HNF4A: variants seen among roughly 807,000 people sequenced by gnomAD.
HNF4A encodes the protein hepatocyte nuclear factor 4-alpha.
In HNF4A, 15 loss-of-function variants were observed where a neutral mutation model predicts 52.4. The observed-to-expected ratio is 0.29, with a 90% CI of 0.19 to 0.44. The LOEUF is 0.44. HNF4A is among the 20% of genes least tolerant of loss of function. The pLI is 1.00. For missense variants in HNF4A, 479 were observed against 647.2 expected (o/e 0.74, Z 2.82); for synonymous variants, 280 against 264.4 (o/e 1.06, Z -0.57).
At chr20:44,399,226 G>A (rs554697748), upstream of HNF4A, among the ~76,000 whole-genome samples, 1 of 152,252 alleles carries the variant, frequency 6.6e-6, no homozygotes, top group Non-Finnish European at 1.5e-5. Flanking sequence ...GTGGGTTGCA[G>A]GGGGCTGCCT....
At chr20:44,401,507 CCCAG>C (rs753184398) in intron 1 of HNF4A, 3 of 1,613,866 alleles carry the variant, frequency 1.9e-6, no homozygotes, top group Admixed American at 1.7e-5. Flanking sequence ...GGCAGATGTG[CCCAG>C]GTGTGCCAGT....
chr20:44,415,218 A>T (rs766971553), intron 5 of HNF4A, among the ~76,000 whole-genome samples: 2 of 152,186 alleles, frequency 1.3e-5, no homozygotes, highest in Non-Finnish European at 2.9e-5. Context: ...GATTGAGGAC[A>T]TTGGTGTCTG....
intron 5 of HNF4A, among the ~76,000 whole-genome samples, chr20:44,416,720 TCCCC>T (rs1484635807): frequency 6.6e-6 from 1 of 152,096 alleles, no homozygotes; most frequent in Non-Finnish European, 1.5e-5. Context: ...TTCATTCATT[TCCCC>T]TTTCCTTCCT....
intron 1 of HNF4A, among the ~76,000 whole-genome samples, chr20:44,359,237 G>C (rs35180342): frequency 0.4 from 60,664 of 152,004 alleles, 12,577 homozygotes; most frequent in East Asian, 0.57. Context: ...CCACTCTCTT[G>C]CCTTCCTTCC....
chr20:44,399,344 A>G (rs1466886794), upstream of HNF4A, among the ~76,000 whole-genome samples: 3 of 152,184 alleles, frequency 2.0e-5, no homozygotes, highest in Non-Finnish European at 4.4e-5. Flanking sequence ...GACGATGTAA[A>G]TAAAGTTATC....
intron 1 of HNF4A, among the ~76,000 whole-genome samples, chr20:44,370,357 G>A (rs970913504): frequency 6.6e-6 from 1 of 152,104 alleles, no homozygotes. Flanking sequence ...CTTCAATCAC[G>A]CCAAGCACAC....
chr20:44,373,068 T>C (rs2063050242), intron 1 of HNF4A: 1 of 152,186 alleles, frequency 6.6e-6, no homozygotes, highest in Non-Finnish European at 1.5e-5. Flanking sequence ...TGAAACGAGA[T>C]ATCCTACCAC....
chr20:44,412,698 G>A (rs2063603205), intron 3 of HNF4A, among the ~76,000 whole-genome samples: 1 of 152,162 alleles, frequency 6.6e-6, no homozygotes, highest in Admixed American at 6.5e-5. Context: ...AGGAGAGACA[G>A]CGGGCCTGGG....
chr20:44,387,946 TG>T (rs1478148387), intron 1 of HNF4A, among the ~76,000 whole-genome samples: 1 of 152,102 alleles, frequency 6.6e-6, no homozygotes, highest in African/African-American at 2.4e-5. Flanking sequence ...TGATGATATA[TG>T]ACATGTAGAT....
chr20:44,373,678 T>C (rs2063056380), intron 1 of HNF4A, among the ~76,000 whole-genome samples: 1 of 147,176 alleles, frequency 6.8e-6, no homozygotes. Flanking sequence ...ATACACACCC[T>C]TTTTTTTTTA....
At chr20:44,425,351 T>C (rs1436142143) in intron 8 of HNF4A, among the ~76,000 whole-genome samples, 2 of 152,184 alleles carry the variant, frequency 1.3e-5, no homozygotes, top group African/African-American at 4.8e-5. Context: ...AGAATGTCAC[T>C]GTCTCCAATC....
chr20:44,406,042 T>C lies in HNF4A; in HGVS notation c.116-16T>C, dbSNP rs1224531839. The C allele has an allele frequency of 6.2e-7, 1 of 1,611,034 alleles. No individual in the cohort carries two copies. ...CTGTTCTTCCTGAAGCCTCACTCCC[T>C]TCTCTCCTGGCGCAGACACGTCCCC... On this transcript the variant is annotated splice_polypyrimidine_tract_variant and intron_variant, in intron 1 of 9. Coordinates refer to ENST00000316099, the MANE Select transcript of HNF4A (RefSeq NM_000457.6).
chr20:44,405,948 GC>G, intron 1 of HNF4A, 109 bp from the exon 2 acceptor site: 1 of 1,032,634 alleles, frequency 9.7e-7, no homozygotes, highest in Non-Finnish European at 1.5e-6. Flanking sequence ...AGTGGGAACA[GC>G]CCCCAGATCT....
At chr20:44,355,708 G>A (rs2062849376) in exon 1 of HNF4A, 8 of 1,092,292 alleles carry the variant, frequency 7.3e-6, no homozygotes, top group Admixed American at 1.7e-5. Flanking sequence ...CGCACTCACC[G>A]CCTTCCTGGT....
chr20:44,418,254 C>A (rs913956926), intron 5 of HNF4A, among the ~76,000 whole-genome samples, 171 bp from the exon 6 acceptor site: 1 of 152,174 alleles, frequency 6.6e-6, no homozygotes, highest in African/African-American at 2.4e-5. Flanking sequence ...ATGTTCTTTC[C>A]CCTTCCAGGT....
chr20:44,424,587 AT>A, intron 8 of HNF4A: 1 of 1,391,164 alleles, frequency 7.2e-7, no homozygotes, highest in African/African-American at 1.5e-5. Flanking sequence ...ATGTGCGTGC[AT>A]GTGTATATAA....
chr20:44,366,822 A>T (rs1388638943), intron 1 of HNF4A, among the ~76,000 whole-genome samples: 2 of 152,230 alleles, frequency 1.3e-5, no homozygotes, highest in Non-Finnish European at 2.9e-5. Context: ...AAAGGAAAAC[A>T]TCAAGTAAAC....
upstream of HNF4A, among the ~76,000 whole-genome samples, chr20:44,400,393 T>A (rs961933841): frequency 6.6e-6 from 1 of 152,050 alleles, no homozygotes; most frequent in Admixed American, 6.5e-5. Flanking sequence ...GGTGCTTGAT[T>A]TATGCCATCT....
intron 9 of HNF4A, 151 bp downstream of exon 9, chr20:44,428,638 T>C (rs2063840910): frequency 6.3e-6 from 5 of 792,400 alleles, no homozygotes; most frequent in Admixed American, 4.0e-5. Context: ...GTCCATTTGT[T>C]GAGGCTGTTT....
Sources: allele counts gnomAD v4.1 joint callset (sites outside exome capture counted in the v4.1 genomes callset), GRCh38; gene constraint gnomAD v4.1.1; transcripts MANE v1.5; gene names NCBI Gene and HGNC (gene_info 2026-07-23, HGNC 2026-07-21).